Variants in COL24A1 observed in about 807,000 individuals in gnomAD.
COL24A1 encodes the protein collagen alpha-1(XXIV) chain.
A neutral mutation model predicts 253.9 loss-of-function variants in COL24A1; 224 were observed. The observed-to-expected ratio is 0.88, with a 90% CI of 0.79 to 0.99. The LOEUF (loss-of-function observed/expected upper bound fraction) is 0.99. Ranked by LOEUF, COL24A1 falls within the 50% of genes least tolerant of loss-of-function variation. The pLI, the probability that COL24A1 is intolerant of heterozygous loss-of-function variation, is 0.00. For missense variants in COL24A1, 2,131 were observed against 2,068.5 expected, an observed-to-expected ratio of 1.03 and a Z score of -0.59; for synonymous variants, 685 against 673.7, an observed-to-expected ratio of 1.02 and a Z score of -0.26.
chr1:86,055,122 T>C (rs138858370), intron 10 of COL24A1, among the ~76,000 whole-genome samples: 206 of 151,848 alleles, frequency 1.4e-3, no homozygotes, highest in African/African-American at 3.8e-3. Flanking sequence ...ACAGGAAAAA[T>C]AAACACTATA....
At position 85,744,665 on chromosome 1, in the gene COL24A1, C is replaced by A. The variant is rs749464321; in HGVS notation, c.4672+1G>T. On this transcript the variant is annotated splice_donor_variant, in intron 57 of 59. Transcript: ENST00000370571. LOFTEE classifies it high-confidence loss of function. The stretch of plus-strand genomic sequence containing the variant: ...AGAGTTTGAGGTAACCAAGAACTTA[C>A]CATCTGATACTTTTTGTTCACAGTT... The A allele has an allele frequency of 1.1e-5, 18 of 1,600,066 alleles. No homozygotes were observed. Among genetic ancestry groups the A allele is most frequent in the Admixed American group, 1.7e-5 (1 of 58,628 alleles).
intron 53 of COL24A1, among the ~76,000 whole-genome samples, chr1:85,775,217 T>G (rs1283223395): frequency 1.3e-5 from 2 of 152,204 alleles, no homozygotes; most frequent in Admixed American, 1.3e-4. Flanking sequence ...CTATTTTGAT[T>G]GCAGTGTTGT....
intron 5 of COL24A1, among the ~76,000 whole-genome samples, chr1:86,100,469 T>C (rs776932353): frequency 1.3e-5 from 2 of 152,154 alleles, no homozygotes; most frequent in Non-Finnish European, 2.9e-5. Flanking sequence ...TGTGGTATAA[T>C]AAAATATATA....
intron 5 of COL24A1, among the ~76,000 whole-genome samples, chr1:86,109,153 C>T (rs1430280875): frequency 6.6e-6 from 1 of 152,090 alleles, no homozygotes; most frequent in African/African-American, 2.4e-5. Flanking sequence ...ATAAAGTCCC[C>T]AAATGAAGCT....
chr1:85,866,472 A>G (rs188184726), intron 37 of COL24A1, among the ~76,000 whole-genome samples: 173 of 152,064 alleles, frequency 1.1e-3, no homozygotes, highest in African/African-American at 3.7e-3. Flanking sequence ...TGGACTAATG[A>G]TGTTTAAGAT....
intron 47 of COL24A1, among the ~76,000 whole-genome samples, chr1:85,809,178 C>G (rs936942672): frequency 6.6e-6 from 1 of 152,154 alleles, no homozygotes; most frequent in Non-Finnish European, 1.5e-5. Context: ...ATTATAGAAA[C>G]TATACCTATC....
At chr1:86,104,175 A>T (rs1417614713) in intron 5 of COL24A1, among the ~76,000 whole-genome samples, 1 of 151,464 alleles carries the variant, frequency 6.6e-6, no homozygotes, top group Non-Finnish European at 1.5e-5. Flanking sequence ...GTCTGTTTTA[A>T]CACATGTGAT....
At chr1:86,049,823 T>C (rs1280210123) in intron 11 of COL24A1, among the ~76,000 whole-genome samples, 1 of 152,156 alleles carries the variant, frequency 6.6e-6, no homozygotes, top group Non-Finnish European at 1.5e-5. Flanking sequence ...TATACTTTTG[T>C]AATTCATTAT....
rs552321801 is a variant in COL24A1, at chr1:85,868,707, A to T, written c.3192+75T>A. 2.3e-5 allele frequency: 34 copies of T among 1,456,622 alleles called. No individual in the cohort carries two copies. The South Asian group carries it at 3.7e-4, about 16-fold the overall frequency. 90.2% of individuals were successfully genotyped at this position (1,456,622 alleles called of 1,614,324 possible). Reference sequence around the variant, plus strand: ...ATAATAAACAGGTTTTTGTCACACAAAAACAATGATGTCTAATATTTTAAA... The same window carrying T: ...ATAATAAACAGGTTTTTGTCACACATAAACAATGATGTCTAATATTTTAAA... On this transcript the variant is annotated intron_variant, in intron 36 of 59. Transcript: ENST00000370571.
At chr1:85,814,611 T>C (rs1294259770) in intron 47 of COL24A1, among the ~76,000 whole-genome samples, 1 of 152,194 alleles carries the variant, frequency 6.6e-6, no homozygotes, top group Non-Finnish European at 1.5e-5. Context: ...AAGCAGGCAA[T>C]TCAGATTTCC....
chr1:85,793,771 T>A (rs1670538613), intron 47 of COL24A1, among the ~76,000 whole-genome samples: 1 of 152,178 alleles, frequency 6.6e-6, no homozygotes, highest in African/African-American at 2.4e-5. Context: ...CAAATGATAG[T>A]CATCTGAGAC....
intron 37 of COL24A1, among the ~76,000 whole-genome samples, chr1:85,862,238 C>T (rs1679234391): frequency 6.6e-6 from 1 of 152,084 alleles, no homozygotes; most frequent in South Asian, 2.1e-4. Flanking sequence ...TAGTCTTGTT[C>T]CCCACTGTAT....
At chr1:85,958,506 T>C (rs553370741) in intron 24 of COL24A1, among the ~76,000 whole-genome samples, 2 of 152,292 alleles carry the variant, frequency 1.3e-5, no homozygotes, top group East Asian at 3.9e-4. Flanking sequence ...AATCAATAAA[T>C]ATCTGCCTAA....
chr1:86,130,828 G>T (rs1046552500), intron 2 of COL24A1, among the ~76,000 whole-genome samples: 6 of 151,808 alleles, frequency 4.0e-5, no homozygotes, highest in Non-Finnish European at 7.4e-5. Context: ...TTGTTAGTTT[G>T]TATGGCATTT....
intron 24 of COL24A1, among the ~76,000 whole-genome samples, chr1:85,915,619 C>T (rs973817056): frequency 3.3e-5 from 5 of 152,112 alleles, no homozygotes; most frequent in African/African-American, 1.2e-4. Context: ...ATAACAGAAA[C>T]TGAACACAGA....
chr1:85,844,167 G>T (rs1676924644), intron 39 of COL24A1, among the ~76,000 whole-genome samples: 1 of 152,024 alleles, frequency 6.6e-6, no homozygotes, highest in African/African-American at 2.4e-5. Flanking sequence ...GACAAAATTT[G>T]AATATAGTAG....
chr1:85,746,623 T>C (rs562257536), intron 55 of COL24A1, among the ~76,000 whole-genome samples: 2 of 151,674 alleles, frequency 1.3e-5, no homozygotes, highest in South Asian at 4.2e-4. Flanking sequence ...ATGTAAGAGG[T>C]TGGAAGGAAT....
intron 11 of COL24A1, among the ~76,000 whole-genome samples, chr1:86,048,257 T>C (rs6693144): frequency 0.088 from 13,314 of 152,122 alleles, 1,404 homozygotes; most frequent in East Asian, 0.44. Flanking sequence ...ATGTACAATA[T>C]TGACTCCCAG....
At position 85,730,556 on chromosome 1, in the gene COL24A1, C is replaced by T; in HGVS notation, c.5135G>A (p.Cys1712Tyr). ...ACTAATTCAGAGACTTTACAGAAAG[C>T]ATACAGAACTGCTGTCAATGTAATA... ...RKYYIDSSSV[C>Y]FL Residue 1712 changes from cysteine (C) to tyrosine (Y), a missense_variant, in exon 60 of 60, where the codon TGC becomes TAC. Coordinates refer to ENST00000370571, the MANE Select transcript of COL24A1 (RefSeq NM_152890.7). The T allele has an allele frequency of 6.2e-7, 1 of 1,613,684 alleles. No homozygotes were observed. The highest frequency in any genetic ancestry group is 1.1e-5 in the South Asian group (1 of 91,008).
Sources: allele counts gnomAD v4.1 joint callset (sites outside exome capture counted in the v4.1 genomes callset), GRCh38; gene constraint gnomAD v4.1.1; transcripts MANE v1.5; gene names NCBI Gene and HGNC (gene_info 2026-07-23, HGNC 2026-07-21).